The following WNK3 variants were observed in gnomAD, a reference collection of about 807,000 sequenced individuals.
WNK3 encodes serine/threonine-protein kinase WNK3.
In WNK3, 18 loss-of-function variants were observed where a neutral mutation model predicts 116.7. That is an observed-to-expected ratio of 0.15 (90% CI 0.11 to 0.23). The LOEUF (loss-of-function observed/expected upper bound fraction) is 0.23. Among genes scored for constraint, WNK3 ranks in the 10% least tolerant of loss-of-function variants. WNK3 has a pLI of 1.00. For missense variants in WNK3, 993 were observed against 1,323.8 expected, an observed-to-expected ratio of 0.75 and a Z score of 3.88; for synonymous variants, 404 against 469.4, an observed-to-expected ratio of 0.86 and a Z score of 1.80.
chrX:54,303,143 T>C (rs1250973186), intron 5 of WNK3, among the ~76,000 whole-genome samples: 1 of 107,480 alleles, frequency 9.3e-6, no homozygotes, highest in Non-Finnish European at 1.9e-5. Context: ...GATACATATG[T>C]GTATGTATGG....
chrX:54,274,927 C>T (rs1557160292), intron 10 of WNK3, among the ~76,000 whole-genome samples: 1 of 105,942 alleles, frequency 9.4e-6, no homozygotes, highest in African/African-American at 3.5e-5. Flanking sequence ...AGGAGGATTG[C>T]TTGAGCTCAG....
chrX:54,238,455 T>G (rs2067987625), exon 19 of WNK3: 1 of 1,207,571 alleles, frequency 8.3e-7, no homozygotes. Flanking sequence ...ATTGCTGATC[T>G]CATCTCTTCT....
intron 10 of WNK3, among the ~76,000 whole-genome samples, chrX:54,277,862 G>A (rs1253229986): frequency 9.0e-6 from 1 of 111,036 alleles, no homozygotes; most frequent in African/African-American, 3.3e-5. Flanking sequence ...GGAGGCTGAG[G>A]TGGGTGGACC....
intron 11 of WNK3, among the ~76,000 whole-genome samples, chrX:54,256,713 A>ACT (rs2068196440): frequency 8.9e-6 from 1 of 112,568 alleles, no homozygotes; most frequent in Non-Finnish European, 1.9e-5. Context: ...ATCTATATAT[A>ACT]GATGTACAAG....
chrX:54,332,854 G>A (rs1336843555), intron 2 of WNK3, among the ~76,000 whole-genome samples: 1 of 93,831 alleles, frequency 1.1e-5, no homozygotes, highest in Non-Finnish European at 2.1e-5. Context: ...GACAGATCAA[G>A]ATTCCGCCTC....
exon 24 of WNK3, chrX:54,198,554 G>A: frequency 8.3e-7 from 1 of 1,210,978 alleles, no homozygotes; most frequent in Non-Finnish European, 1.1e-6. Flanking sequence ...GGAAATGAAG[G>A]GAGTGAGAGT....
At chrX:54,212,330 A>C (rs1285040582) in intron 22 of WNK3, among the ~76,000 whole-genome samples, 7 of 112,508 alleles carry the variant, frequency 6.2e-5, no homozygotes, top group African/African-American at 1.9e-4. Flanking sequence ...AAAATCATTT[A>C]GGAGGTCATG....
chrX:54,195,909 G>T (rs2067437903), exon 24 of WNK3: 1 of 111,462 alleles, frequency 9.0e-6, no homozygotes, highest in Non-Finnish European at 1.9e-5. Flanking sequence ...CAGAACATAG[G>T]ATGTAGAGCA....
intron 22 of WNK3, among the ~76,000 whole-genome samples, chrX:54,221,380 A>G (rs1413718105): frequency 3.6e-5 from 4 of 112,458 alleles, no homozygotes. Flanking sequence ...GCATAAAGCA[A>G]TAACTATAAA....
upstream of WNK3, chrX:54,358,716 GA>G (rs1253106017): frequency 8.8e-6 from 1 of 113,078 alleles, no homozygotes; most frequent in East Asian, 2.8e-4. Flanking sequence ...CTATGAAACT[GA>G]TTTTTGACGG....
chrX:54,237,090 C>A (rs781939588), exon 20 of WNK3: 1 of 1,212,044 alleles, frequency 8.3e-7, no homozygotes, highest in Admixed American at 2.2e-5. Context: ...ACTGATTACT[C>A]TCTGGACCAG....
At chrX:54,254,973 G>C (rs782125384) in intron 12 of WNK3, among the ~76,000 whole-genome samples, 3 of 110,419 alleles carry the variant, frequency 2.7e-5, no homozygotes, top group Non-Finnish European at 5.7e-5. Flanking sequence ...AACTTACTTC[G>C]CTCCTCTGAT....
At chrX:54,280,698 CAT>C (rs1557162201) in intron 10 of WNK3, among the ~76,000 whole-genome samples, 1 of 111,506 alleles carries the variant, frequency 9.0e-6, no homozygotes, top group Non-Finnish European at 1.9e-5. Context: ...CAAATTATCA[CAT>C]GTTCTCACAT....
intron 22 of WNK3, among the ~76,000 whole-genome samples, chrX:54,219,669 CAAAAAAAAAAAAAAAAAAA>C (rs34431672): frequency 1.3e-4 from 2 of 15,193 alleles, no homozygotes; most frequent in African/African-American, 1.8e-4. Context: ...CTCCATCTCC[CAAAAAAAAAAAAAAAAAAA>C]AAAAAAAAAA....
intron 10 of WNK3, among the ~76,000 whole-genome samples, chrX:54,288,667 T>G (rs2068606009): frequency 9.0e-6 from 1 of 110,981 alleles, no homozygotes; most frequent in Admixed American, 9.7e-5. Flanking sequence ...TGGGCCTGAG[T>G]TTTTAGCTGC....
chrX:54,217,433 A>G (rs782289627), intron 22 of WNK3, among the ~76,000 whole-genome samples: 1 of 109,365 alleles, frequency 9.1e-6, no homozygotes, highest in African/African-American at 3.3e-5. Context: ...TATCCTGGCC[A>G]ACATGGTAAA....
At chrX:54,221,571 C>A (rs2067760887) in intron 22 of WNK3, among the ~76,000 whole-genome samples, 1 of 111,835 alleles carries the variant, frequency 8.9e-6, no homozygotes, top group Admixed American at 9.5e-5. Flanking sequence ...AGGTGGCTCA[C>A]ACCTGTAATC....
intron 5 of WNK3, among the ~76,000 whole-genome samples, chrX:54,305,778 G>A (rs937684423): frequency 6.3e-5 from 7 of 110,559 alleles, no homozygotes; most frequent in Non-Finnish European, 9.4e-5. Flanking sequence ...TGTGGTGGCC[G>A]GGCGCAGTGG....
At position 54,251,672 on chromosome X, in the gene WNK3, C is replaced by T. The variant is rs782462658; in HGVS notation, c.2383G>A (p.Val795Met). The T allele has an allele frequency of 1.7e-5, 21 of 1,208,829 alleles. No homozygotes were observed. The highest frequency in any genetic ancestry group is 2.2e-5 in the Non-Finnish European group (20 of 894,811). ...AATTTTTCTTTCTCACTTTCCAGCA[C>T]AAAGTTATCTTCAACCTGCCCAAAA... The change falls in exon 14 of 24, where the codon GTG becomes ATG. Residue 795 changes from valine to methionine, a missense_variant. Physicochemically the swap from Val to Met is conservative, Grantham distance 21 (BLOSUM62 1). Around this residue, in one of 4 missense-constraint regions of WNK3, gnomAD observed 836 missense variants for 976.5 expected, o/e 0.86. Coordinates refer to ENST00000354646, the Ensembl canonical transcript of WNK3.
Sources: allele counts gnomAD v4.1 joint callset (sites outside exome capture counted in the v4.1 genomes callset), GRCh38; gene constraint gnomAD v4.1.1; regional missense constraint gnomAD v4.1.1; transcripts MANE v1.5; gene names NCBI Gene and HGNC (gene_info 2026-07-23, HGNC 2026-07-21).